Variants in PCDHA4 observed in about 807,000 individuals in gnomAD.
PCDHA4 encodes the protein protocadherin alpha 4, also known as protocadherin alpha-4.
Under a neutral mutation model 61.4 loss-of-function variants are expected in PCDHA4, and 49 were observed. That is an observed-to-expected ratio of 0.80 (90% CI 0.63 to 1.01). PCDHA4 has a LOEUF of 1.01. Ranked by LOEUF, PCDHA4 falls within the 50% of genes least tolerant of loss-of-function variation. The pLI is 0.00. For synonymous variants in PCDHA4, 590 were observed against 550.3 expected (o/e 1.07, Z -1.01); for missense variants, 1,254 against 1,235.8 (o/e 1.01, Z -0.22).
chr5:140,869,867 C>A (rs1554163562), intron 1 of PCDHA4: 7 of 1,609,988 alleles, frequency 4.3e-6, no homozygotes, highest in Non-Finnish European at 5.9e-6. Context: ...ATGGAAAATG[C>A]TGCTAAAGAA....
intron 1 of PCDHA4, chr5:140,867,201 T>C (rs1554161078): frequency 6.6e-6 from 1 of 152,156 alleles, no homozygotes; most frequent in African/African-American, 2.4e-5. Context: ...CCACATTCCA[T>C]GTAACATCTT....
intron 1 of PCDHA4, among the ~76,000 whole-genome samples, chr5:140,916,356 G>A (rs2077538770): frequency 6.6e-6 from 1 of 152,202 alleles, no homozygotes; most frequent in Admixed American, 6.5e-5. Context: ...TCAAACAGAA[G>A]GAGTCTTTCA....
chr5:140,965,834 G>T (rs1018708290), intron 1 of PCDHA4, among the ~76,000 whole-genome samples: 1 of 152,128 alleles, frequency 6.6e-6, no homozygotes, highest in Admixed American at 6.5e-5. Context: ...TTAAATATTG[G>T]TTATTTGCCA....
At position 140,877,299 on chromosome 5, in the gene PCDHA4, C is replaced by A. The variant is rs374061607; in HGVS notation, c.2385+67727C>A. 1,401 of 1,613,926 alleles carry A rather than the reference C, an allele frequency of 8.7e-4. 20 individuals carry two copies. The South Asian group carries it at 0.013, about 15-fold the overall frequency. On this transcript the variant is annotated intron_variant, in intron 1 of 3. Transcript: ENST00000530339. ...CCGGCTATAACGCTTGGCTGTCCTA[C>A]GAGTTGCAACCGGCGGCGGTCGGCG...
At chr5:140,992,914 C>T (rs1383362253) in intron 3 of PCDHA4, among the ~76,000 whole-genome samples, 1 of 152,220 alleles carries the variant, frequency 6.6e-6, no homozygotes, top group African/African-American at 2.4e-5. Context: ...CTTAGGCCCT[C>T]TCCATACTTA....
At chr5:140,883,526 G>A (rs1554178547) in intron 1 of PCDHA4, 2 of 1,614,226 alleles carry the variant, frequency 1.2e-6, no homozygotes, top group East Asian at 2.2e-5. Flanking sequence ...GAGCGTATCA[G>A]CCTATGAACT....
At chr5:140,891,136 G>A (rs541876133) in intron 1 of PCDHA4, among the ~76,000 whole-genome samples, 1 of 152,068 alleles carries the variant, frequency 6.6e-6, no homozygotes, top group Non-Finnish European at 1.5e-5. Context: ...TTCCTTTAAA[G>A]GTATTCTGTT....
chr5:140,933,522 T>A (rs1399438253), intron 1 of PCDHA4, among the ~76,000 whole-genome samples: 3 of 152,066 alleles, frequency 2.0e-5, no homozygotes, highest in Non-Finnish European at 4.4e-5. Flanking sequence ...AGCTGTTTTG[T>A]TTAAACTCAA....
At chr5:140,857,178 A>T (rs782349051) in intron 1 of PCDHA4, 2 of 1,598,472 alleles carry the variant, frequency 1.3e-6, no homozygotes, top group African/African-American at 2.7e-5. Flanking sequence ...TCTGACCATG[A>T]TTCAGGAGCC....
At chr5:140,844,657 C>A (rs1252310311) in intron 1 of PCDHA4, among the ~76,000 whole-genome samples, 1 of 149,150 alleles carries the variant, frequency 6.7e-6, no homozygotes, top group Non-Finnish European at 1.5e-5. Context: ...TCTTGCAAAC[C>A]AAACATATAA....
chr5:140,969,307 A>C (rs2096316993), intron 1 of PCDHA4: 1 of 1,614,192 alleles, frequency 6.2e-7, no homozygotes, highest in Non-Finnish European at 8.5e-7. Flanking sequence ...TTATTCTCAA[A>C]AATGAGGCTG....
rs140143048 is a variant in PCDHA4, at chr5:140,842,939, G to A, written c.2385+33367G>A. Reference sequence around the variant, plus strand: ...GCAGTTCCAGGTGAGCGCGCGCGACGCGGGCGTGCCGCCTCTGGGCAGCAA... The same window carrying A: ...GCAGTTCCAGGTGAGCGCGCGCGACACGGGCGTGCCGCCTCTGGGCAGCAA... On this transcript the variant is annotated intron_variant, in intron 1 of 3. Transcript: ENST00000530339. 5.6e-6 allele frequency: 9 copies of A among 1,594,456 alleles called. No individual in the cohort carries two copies. In the African/African-American group the frequency reaches 1.2e-4, roughly 21 times the overall value.
intron 1 of PCDHA4, among the ~76,000 whole-genome samples, chr5:140,961,888 T>G (rs1361187779): frequency 4.0e-5 from 5 of 124,944 alleles, no homozygotes; most frequent in Non-Finnish European, 7.9e-5. Context: ...CTTACATCAG[T>G]TTTTTTTTTT....
intron 1 of PCDHA4, chr5:140,877,152 C>A (rs1662783035): frequency 6.2e-7 from 1 of 1,613,688 alleles, no homozygotes; most frequent in Non-Finnish European, 8.5e-7. Context: ...ACGAGAACGA[C>A]AACGCGCCGG....
intron 1 of PCDHA4, chr5:140,812,398 G>A (rs2126638368): frequency 3.3e-5 from 5 of 151,504 alleles, no homozygotes; most frequent in African/African-American, 1.2e-4. Flanking sequence ...CTAGCTAAGG[G>A]GCTTGTCAGT....
intron 1 of PCDHA4, chr5:140,882,004 C>CA (rs1296948506): frequency 1.0e-5 from 5 of 496,760 alleles, no homozygotes; most frequent in Non-Finnish European, 1.7e-5. Flanking sequence ...ATGCAAGGGG[C>CA]AAAAAAATAC....
chr5:140,967,627 C>T (rs1218869340), intron 1 of PCDHA4: 5 of 1,614,158 alleles, frequency 3.1e-6, no homozygotes, highest in South Asian at 2.2e-5. Context: ...CGGATGAGGG[C>T]TCCAATGGTG....
At chr5:140,972,783 C>T (rs1437997582) in intron 1 of PCDHA4, among the ~76,000 whole-genome samples, 2 of 151,768 alleles carry the variant, frequency 1.3e-5, no homozygotes, top group African/African-American at 4.8e-5. Context: ...TCTGCCTCAG[C>T]CTCCTGAGTA....
At chr5:140,967,624 G>C (rs950749188) in intron 1 of PCDHA4, 1 of 1,614,158 alleles carries the variant, frequency 6.2e-7, no homozygotes, top group Non-Finnish European at 8.5e-7. Flanking sequence ...ACCCGGATGA[G>C]GGCTCCAATG....
Sources: gnomAD v4.1 joint callset for allele counts (sites outside exome capture counted in the v4.1 genomes callset) on GRCh38, gnomAD v4.1.1 for gene constraint, MANE v1.5 for transcripts, NCBI Gene and HGNC (gene_info 2026-07-23, HGNC 2026-07-21) for gene names.